SCFD2: variants seen among roughly 807,000 people sequenced by gnomAD.
SCFD2 encodes sec1 family domain containing 2, also known as sec1 family domain-containing protein 2.
SCFD2 carries 54 observed loss-of-function variants against 58.9 expected under a neutral mutation model. The ratio of observed to expected loss-of-function variants is 0.92; its 90% CI spans 0.74 to 1.15. The LOEUF (loss-of-function observed/expected upper bound fraction) is 1.15. Ranked by LOEUF, SCFD2 falls within the 50% of genes most tolerant of loss-of-function variation. The probability of loss-of-function intolerance (pLI) is 0.00; values close to 1 mark genes in which losing one functional copy is unlikely to be tolerated. For missense variants in SCFD2, 805 were observed against 836.6 expected (o/e 0.96, Z 0.47); for synonymous variants, 321 against 335.9 (o/e 0.96, Z 0.49).
intron 5 of SCFD2, among the ~76,000 whole-genome samples, chr4:53,088,752 T>C (rs1243848189): frequency 6.6e-6 from 1 of 152,144 alleles, no homozygotes; most frequent in Non-Finnish European, 1.5e-5. Context: ...AGGTTGATGC[T>C]GGAATGAATC....
intron 4 of SCFD2, among the ~76,000 whole-genome samples, chr4:53,152,626 G>T (rs1039544812): frequency 6.6e-6 from 1 of 151,980 alleles, no homozygotes; most frequent in Non-Finnish European, 1.5e-5. Context: ...TCATGTCCTC[G>T]CAATAAAAAA....
chr4:53,100,917 A>C (rs1356482274), intron 5 of SCFD2, among the ~76,000 whole-genome samples: 1 of 152,158 alleles, frequency 6.6e-6, no homozygotes. Context: ...ATAAATAATC[A>C]CCACGACCCC....
chr4:53,266,870 A>T (rs1265981400), intron 4 of SCFD2, among the ~76,000 whole-genome samples: 2 of 152,206 alleles, frequency 1.3e-5, no homozygotes, highest in Non-Finnish European at 2.9e-5. Flanking sequence ...ACTGCTAACA[A>T]ATATTAGATT....
chr4:52,947,901 A>G (rs1388841516), intron 5 of SCFD2, among the ~76,000 whole-genome samples: 1 of 151,844 alleles, frequency 6.6e-6, no homozygotes, highest in Non-Finnish European at 1.5e-5. Context: ...AGGATTACAT[A>G]AGTAAACAAA....
At position 53,341,869 on chromosome 4, in the gene SCFD2, T is replaced by C. The variant is rs560537239; in HGVS notation, c.1007+10729A>G. Among the ~76,000 whole-genome samples, 1,312 of 152,156 alleles carry C rather than the reference T, an allele frequency of 8.6e-3. 17 individuals carry two copies. The highest frequency in any genetic ancestry group is 0.03 in the African/African-American group (1,236 of 41,508). On this transcript the variant is annotated intron_variant, in intron 2 of 8. Coordinates refer to ENST00000401642, the MANE Select transcript of SCFD2 (RefSeq NM_152540.4). Reference sequence around the variant, plus strand: ...ATCCAGCCAAACTAAGCTTCAGAAGTGAAGGAGAAATAAAATCCTTTGCAC... The same window carrying C: ...ATCCAGCCAAACTAAGCTTCAGAAGCGAAGGAGAAATAAAATCCTTTGCAC...
intron 5 of SCFD2, among the ~76,000 whole-genome samples, chr4:53,063,144 G>A (rs918580617): frequency 1.3e-5 from 2 of 152,112 alleles, no homozygotes; most frequent in African/African-American, 2.4e-5. Flanking sequence ...TTAATACATG[G>A]CAAAGGTTAA....
chr4:52,899,224 G>C (rs1194409076), intron 7 of SCFD2, among the ~76,000 whole-genome samples: 2 of 152,180 alleles, frequency 1.3e-5, no homozygotes, highest in African/African-American at 4.8e-5. Context: ...CTCTTTAGTT[G>C]ATGCAGTTTC....
chr4:53,062,039 T>C (rs1723528552), intron 5 of SCFD2, among the ~76,000 whole-genome samples: 1 of 151,770 alleles, frequency 6.6e-6, no homozygotes, highest in East Asian at 1.9e-4. Flanking sequence ...ATATATATAA[T>C]TATTATTGTA....
intron 5 of SCFD2, among the ~76,000 whole-genome samples, chr4:53,095,983 C>T (rs878908743): frequency 6.6e-6 from 1 of 151,800 alleles, no homozygotes; most frequent in Admixed American, 6.6e-5. Context: ...GGTTTTTTGT[C>T]CTTGCGGTAG....
chr4:53,339,521 G>A (rs1322865299), intron 2 of SCFD2, among the ~76,000 whole-genome samples: 1 of 152,166 alleles, frequency 6.6e-6, no homozygotes, highest in African/African-American at 2.4e-5. Context: ...TGTAATCCCA[G>A]CACTTTGGGA....
At chr4:52,970,063 A>G (rs1721058705) in intron 5 of SCFD2, among the ~76,000 whole-genome samples, 1 of 152,216 alleles carries the variant, frequency 6.6e-6, no homozygotes, top group African/African-American at 2.4e-5. Context: ...GAATAGGAAC[A>G]ACTCCAGTCT....
intron 5 of SCFD2, among the ~76,000 whole-genome samples, chr4:52,995,414 G>A (rs749830200): frequency 1.1e-4 from 16 of 152,266 alleles, no homozygotes; most frequent in Admixed American, 2.6e-4. Context: ...CTAACAGGCC[G>A]TGGACCAGTG....
chr4:53,173,959 G>A (rs538547739), intron 4 of SCFD2, among the ~76,000 whole-genome samples: 5 of 152,088 alleles, frequency 3.3e-5, no homozygotes, highest in African/African-American at 1.2e-4. Flanking sequence ...TATAAAAAAT[G>A]TTTAAAGAAA....
At chr4:53,301,028 C>A (rs1240646916) in intron 3 of SCFD2, among the ~76,000 whole-genome samples, 3 of 152,018 alleles carry the variant, frequency 2.0e-5, no homozygotes, top group Admixed American at 6.6e-5. Context: ...TCTAACATCA[C>A]AATTAAAAGA....
intron 2 of SCFD2, among the ~76,000 whole-genome samples, chr4:53,345,159 G>C (rs1734018338): frequency 6.6e-6 from 1 of 152,134 alleles, no homozygotes; most frequent in Non-Finnish European, 1.5e-5. Context: ...AGAGTGAACA[G>C]GCAACCTACA....
intron 7 of SCFD2, among the ~76,000 whole-genome samples, chr4:52,892,614 T>A (rs1718903529): frequency 6.6e-6 from 1 of 152,170 alleles, no homozygotes; most frequent in African/African-American, 2.4e-5. Flanking sequence ...CTCCTGCTGG[T>A]CTGGCAAAAT....
intron 5 of SCFD2, among the ~76,000 whole-genome samples, chr4:53,028,517 T>C (rs1245301142): frequency 6.6e-6 from 1 of 152,220 alleles, no homozygotes; most frequent in African/African-American, 2.4e-5. Context: ...ATGTCTTATT[T>C]TTTCGGTGAT....
chr4:53,347,484 T>C (rs1734090884), intron 2 of SCFD2, among the ~76,000 whole-genome samples: 1 of 151,216 alleles, frequency 6.6e-6, no homozygotes, highest in African/African-American at 2.4e-5. Flanking sequence ...AAATACAACA[T>C]AAATATTAAT....
intron 3 of SCFD2, among the ~76,000 whole-genome samples, chr4:53,305,687 G>C (rs545004791): frequency 1.3e-3 from 199 of 152,078 alleles, no homozygotes; most frequent in African/African-American, 4.6e-3. Flanking sequence ...AATACTCCTT[G>C]CTTTCTTTTC....
Sources: allele counts gnomAD v4.1 joint callset (sites outside exome capture counted in the v4.1 genomes callset), GRCh38; gene constraint gnomAD v4.1.1; transcripts MANE v1.5; gene names NCBI Gene and HGNC (gene_info 2026-07-23, HGNC 2026-07-21).